Variants in TRIM37 observed in about 807,000 individuals in gnomAD.
TRIM37 encodes the protein E3 ubiquitin-protein ligase TRIM37.
Under a neutral mutation model 129.8 loss-of-function variants are expected in TRIM37, and 80 were observed. The ratio of observed to expected loss-of-function variants is 0.62; its 90% CI spans 0.51 to 0.74. The LOEUF (loss-of-function observed/expected upper bound fraction) is 0.74, where lower values mean the gene tolerates loss of function less well. Ranked by LOEUF, TRIM37 falls within the 30% of genes least tolerant of loss-of-function variation. The probability of loss-of-function intolerance (pLI) is 0.00; values close to 1 mark genes in which losing one functional copy is unlikely to be tolerated. For missense variants in TRIM37, 1,054 were observed against 1,176.5 expected (o/e 0.90, Z 1.52); for synonymous variants, 389 against 387.1 (o/e 1.00, Z -0.06).
At chr17:59,012,280 G>T in intron 22 of TRIM37, 48 bp downstream of exon 22, 2 of 1,110,534 alleles carry the variant, frequency 1.8e-6, no homozygotes, top group Non-Finnish European at 2.6e-6. Context: ...ACCAAAAAAG[G>T]GACAGAATTC....
intron 24 of TRIM37, among the ~76,000 whole-genome samples, chr17:58,992,457 G>A (rs911043966): frequency 2.0e-5 from 3 of 151,524 alleles, no homozygotes; most frequent in Admixed American, 6.6e-5. Context: ...CTTGGTTCAC[G>A]GCAACCTCCA....
At chr17:59,055,964 G>A (rs188673576) in intron 13 of TRIM37, among the ~76,000 whole-genome samples, 3 of 152,144 alleles carry the variant, frequency 2.0e-5, no homozygotes, top group Admixed American at 6.5e-5. Flanking sequence ...GCTGGTTTTC[G>A]TCAACTTTCA....
downstream of TRIM37, among the ~76,000 whole-genome samples, chr17:58,979,280 A>G (rs1179554725): frequency 2.0e-5 from 3 of 152,202 alleles, no homozygotes; most frequent in African/African-American, 4.8e-5. Flanking sequence ...TCTGTTCTCT[A>G]GAAGTTACAG....
downstream of TRIM37, chr17:58,998,150 G>A: frequency 1.1e-6 from 1 of 891,444 alleles, no homozygotes; most frequent in South Asian, 5.1e-5. Flanking sequence ...ATGAGGCAAT[G>A]AGTAGAAAAG....
chr17:59,077,395 G>C (rs2042900842), intron 7 of TRIM37, among the ~76,000 whole-genome samples: 1 of 151,784 alleles, frequency 6.6e-6, no homozygotes, highest in Non-Finnish European at 1.5e-5. Flanking sequence ...GTTGCAAAAA[G>C]AGTTAAAATA....
chr17:59,048,387 T>C (rs1318355259), intron 15 of TRIM37, among the ~76,000 whole-genome samples: 1 of 152,104 alleles, frequency 6.6e-6, no homozygotes, highest in African/African-American at 2.4e-5. Context: ...AACTGAAGTC[T>C]CTCATCTTAA....
At chr17:59,104,181 GC>G in intron 2 of TRIM37, 111 bp downstream of exon 2, 1 of 952,578 alleles carries the variant, frequency 1.0e-6, no homozygotes, top group East Asian at 2.6e-5. Flanking sequence ...CAAGCACAGT[GC>G]AAGCAAGCAC....
chr17:59,074,051 CATA>C (rs1330168854), intron 8 of TRIM37, among the ~76,000 whole-genome samples: 2 of 152,118 alleles, frequency 1.3e-5, no homozygotes, highest in Non-Finnish European at 2.9e-5. Flanking sequence ...ATATACCATA[CATA>C]ATAATGTGTT....
intron 2 of TRIM37, among the ~76,000 whole-genome samples, chr17:59,101,671 A>T (rs1366692254): frequency 8.5e-6 from 1 of 117,898 alleles, no homozygotes; most frequent in Admixed American, 8.7e-5. Context: ...AAAAAAAAAA[A>T]AAAAAAATAT....
At chr17:58,985,971 G>GA (rs1251834087) in intron 24 of TRIM37, among the ~76,000 whole-genome samples, 2 of 152,132 alleles carry the variant, frequency 1.3e-5, no homozygotes, top group African/African-American at 4.8e-5. Context: ...TGTTACACTT[G>GA]AAAAAATTCC....
intron 13 of TRIM37, among the ~76,000 whole-genome samples, chr17:59,056,669 G>A (rs1185470819): frequency 7.9e-6 from 1 of 126,354 alleles, no homozygotes; most frequent in Non-Finnish European, 1.6e-5. Context: ...GGCGGAGCTT[G>A]TAGTGAGCCG....
At chr17:59,047,301 A>G (rs1342784547) in intron 16 of TRIM37, among the ~76,000 whole-genome samples, 1 of 152,200 alleles carries the variant, frequency 6.6e-6, no homozygotes, top group Non-Finnish European at 1.5e-5. Flanking sequence ...CCAGATTTTG[A>G]TAACTATTCT....
intron 3 of TRIM37, among the ~76,000 whole-genome samples, chr17:59,090,310 T>C (rs1414317245): frequency 2.0e-5 from 3 of 152,112 alleles, no homozygotes; most frequent in Non-Finnish European, 4.4e-5. Flanking sequence ...ATCTACCATA[T>C]TTTACATGAA....
Position 59,106,817 on chromosome 17 carries a change from CAG to C in TRIM37, c.-358_-357del. The C allele has an allele frequency of 2.1e-6, 1 of 474,550 alleles. No individual in the cohort carries two copies. The highest frequency in any genetic ancestry group is 3.6e-5 in the Admixed American group (1 of 28,048). The allele number at this position is 474,550 out of a possible 1,614,324, so 29.4% of individuals were successfully genotyped here. On this transcript the variant is annotated 5_prime_UTR_variant, in exon 1 of 24. Coordinates refer to ENST00000262294, the MANE Select transcript of TRIM37 (RefSeq NM_015294.6). The stretch of plus-strand genomic sequence containing the variant: ...GTGGAGTTCAGCGAAGAAGGTGCCG[CAG>C]AGAATTCGCAAACACCAACCGTAAC...
At chr17:58,972,660 T>G in the TRIM37 span, among the ~76,000 whole-genome samples, 1 of 152,170 alleles carries the variant, frequency 6.6e-6, no homozygotes, top group Admixed American at 6.5e-5. Flanking sequence ...CAGGATTCAC[T>G]TAATTATTAC....
intron 9 of TRIM37, among the ~76,000 whole-genome samples, chr17:59,069,801 C>T (rs931687701): frequency 6.6e-6 from 1 of 152,040 alleles, no homozygotes; most frequent in Non-Finnish European, 1.5e-5. Context: ...GGGTCTAATA[C>T]AATAAGGCTT....
At position 59,003,848 on chromosome 17, in the gene TRIM37, G is replaced by A. The variant is rs193207723; in HGVS notation, c.2696-2134C>T. Among the ~76,000 whole-genome samples, 406 of 151,058 alleles carry A rather than the reference G, an allele frequency of 2.7e-3. 3 individuals carry two copies. The highest frequency in any genetic ancestry group is 9.7e-3 in the African/African-American group (397 of 41,062). On this transcript the variant is annotated intron_variant, in intron 22 of 23. Transcript: ENST00000262294. ...TGCCTGTAGTCCCAGCTACTTGAAA[G>A]GCTGAGGCAGGAGGATCGCTTGAGC...
intron 7 of TRIM37, among the ~76,000 whole-genome samples, chr17:59,076,921 T>C (rs1396608167): frequency 6.6e-6 from 1 of 152,116 alleles, no homozygotes; most frequent in Non-Finnish European, 1.5e-5. Flanking sequence ...CCTGAGTAGC[T>C]GAGATTACAG....
chr17:59,042,439 AAAAAAAAAAAATATATATAT>A lies in TRIM37; in HGVS notation c.1668-561_1668-542del, dbSNP rs1315441754. On this transcript the variant is annotated intron_variant, in intron 16 of 23. Transcript: ENST00000262294. Reference sequence around the variant, plus strand: ...TAAGAAAAAAAGGAATTTAAAAAAAAAAAAAAAAAAATATATATATATATATATATATATATCTCAAGGCC... The same window carrying A: ...TAAGAAAAAAAGGAATTTAAAAAAAAATATATATATATATATCTCAAGGCC... Among the ~76,000 whole-genome samples the A allele has an allele frequency of 1.7e-4, 14 of 82,124 alleles. 1 individual carries two copies. Among genetic ancestry groups the A allele is most frequent in the African/African-American group, 8.1e-4 (13 of 16,142 alleles). The allele number at this position is 82,124 out of a possible 152,430, so 53.9% of individuals were successfully genotyped here.
Sources: gnomAD v4.1 joint callset for allele counts (sites outside exome capture counted in the v4.1 genomes callset) on GRCh38, gnomAD v4.1.1 for gene constraint, MANE v1.5 for transcripts, NCBI Gene and HGNC (gene_info 2026-07-23, HGNC 2026-07-21) for gene names.